SGSM3: variants seen among roughly 807,000 people sequenced by gnomAD.
The protein encoded by SGSM3 is RUN and SH3 containing 3.
In SGSM3, 96 loss-of-function variants were observed where a neutral mutation model predicts 100.5. That is an observed-to-expected ratio of 0.96 (90% confidence interval 0.81 to 1.13). The LOEUF (loss-of-function observed/expected upper bound fraction) is 1.13, where lower values mean the gene tolerates loss of function less well. Among genes scored for constraint, SGSM3 ranks in the 50% most tolerant of loss-of-function variants. The pLI, the probability that SGSM3 is intolerant of heterozygous loss-of-function variation, is 0.00. For missense variants in SGSM3, 1,001 were observed against 1,015.8 expected (o/e 0.99, Z 0.20); for synonymous variants, 483 against 422.8 (o/e 1.14, Z -1.75).
At chr22:40,393,026 A>G (rs930694297) in intron 1 of SGSM3, among the ~76,000 whole-genome samples, 3 of 152,224 alleles carry the variant, frequency 2.0e-5, no homozygotes, top group Admixed American at 2.0e-4. Context: ...CATTCCTTTT[A>G]TGGATGAATA....
At chr22:40,378,451 G>A (rs145558169) in intron 1 of SGSM3, among the ~76,000 whole-genome samples, 6 of 150,850 alleles carry the variant, frequency 4.0e-5, no homozygotes, top group African/African-American at 7.3e-5. Flanking sequence ...TAATATGGCC[G>A]GGCACGGTGG....
chr22:40,405,297 C>T lies in SGSM3; in HGVS notation c.618+13C>T. ...GGGCACCGGCATGGTGAGCACAGCCCCAGAAAGGGCAGTGGCAGCCCCAGG... is the reference window on the plus strand; with the variant it reads ...GGGCACCGGCATGGTGAGCACAGCCTCAGAAAGGGCAGTGGCAGCCCCAGG... On this transcript the variant is annotated intron_variant, in intron 7 of 21. Coordinates refer to ENST00000248929, the MANE Select transcript of SGSM3 (RefSeq NM_015705.6). 1 of 1,479,586 alleles carries T rather than the reference C, an allele frequency of 6.8e-7. No homozygotes were observed. The highest frequency in any genetic ancestry group is 1.4e-5 in the South Asian group (1 of 70,728). The allele number at this position is 1,479,586 out of a possible 1,614,324, so 91.7% of individuals were successfully genotyped here.
Position 40,407,646 on chromosome 22 carries a change from A to AC in SGSM3, c.1524+82dup. 1 of 1,578,756 alleles carries AC rather than the reference A, an allele frequency of 6.3e-7. No individual in the cohort carries two copies. Among genetic ancestry groups the AC allele is most frequent in the Non-Finnish European group, 8.6e-7 (1 of 1,160,948 alleles). ...ACTCCCTCCACCAAGCCCCACCCCA[A>AC]CCCCTTTCCCTGCCAAGAGCTTCTC... On this transcript the variant is annotated intron_variant, in intron 13 of 21. Transcript: ENST00000248929. This position sits in a 1 kb window ranked among gnomAD's most constrained non-coding sequence, Gnocchi z 4.7.
chr22:40,386,686 T>G (rs2048517509), intron 1 of SGSM3, among the ~76,000 whole-genome samples: 1 of 150,042 alleles, frequency 6.7e-6, no homozygotes, highest in African/African-American at 2.4e-5. Flanking sequence ...TCTCCCAAAG[T>G]GTTCGGGTTA....
chr22:40,384,626 A>G (rs1336586170), intron 1 of SGSM3, among the ~76,000 whole-genome samples: 1 of 152,078 alleles, frequency 6.6e-6, no homozygotes, highest in Non-Finnish European at 1.5e-5. Context: ...TAAAAATACA[A>G]AAAATTAGCT....
Position 40,407,306 on chromosome 22 carries a change from C to T in SGSM3, c.1346C>T (p.Thr449Ile). ...ILRVARHFQC[T>I]DPKNCSVELT... ...CGCGTGGCACGCCACTTCCAGTGCA[C>T]AGACCCCAAAAACTGCAGCGTGGTG... Residue 449 changes from threonine (T) to isoleucine (I), a missense_variant, in exon 12 of 22, where the codon ACA becomes ATA. Physicochemically the swap from Thr to Ile is moderately conservative, Grantham distance 89. Transcript: ENST00000248929. This position sits in a 1 kb window ranked among gnomAD's most constrained non-coding sequence, Gnocchi z 4.7. The T allele has an allele frequency of 6.2e-7, 1 of 1,613,582 alleles. No homozygotes were observed.
At chr22:40,372,001 G>A (rs2045601634) in intron 1 of SGSM3, among the ~76,000 whole-genome samples, 1 of 150,418 alleles carries the variant, frequency 6.6e-6, no homozygotes, top group Non-Finnish European at 1.5e-5. Context: ...CGCCAGGCCC[G>A]ATTAATTTGT....
At chr22:40,383,652 A>G (rs1174162082) in intron 1 of SGSM3, among the ~76,000 whole-genome samples, 1 of 152,160 alleles carries the variant, frequency 6.6e-6, no homozygotes, top group African/African-American at 2.4e-5. Flanking sequence ...GCATGTTGAG[A>G]CAGTAGTGAG....
In SGSM3 at chr22:40,404,274, T is replaced by C; in HGVS notation, c.185T>C (p.Leu62Pro). ...EEGDEPGSSL[L>P]ANSPLMEDAP... ...GGTGATGAGCCTGGCTCCAGTCTGC[T>C]GGCGAACTCCCCTCTGATGGAGGAT... is the stretch of plus-strand genomic sequence containing the variant. The change falls in exon 5 of 22, where the codon CTG becomes CCG. Residue 62 changes from leucine to proline, a missense_variant. By Grantham distance (98) the Leu-to-Pro change is moderately conservative. Coordinates refer to ENST00000248929, the MANE Select transcript of SGSM3 (RefSeq NM_015705.6). 6.6e-7 allele frequency: 1 copy of C among 1,520,816 alleles called. No homozygotes were observed. Among genetic ancestry groups the C allele is most frequent in the Non-Finnish European group, 8.8e-7 (1 of 1,133,958 alleles). The allele number at this position is 1,520,816 out of a possible 1,614,324, so 94.2% of individuals were successfully genotyped here.
intron 4 of SGSM3, 140 bp from the exon 5 acceptor site, chr22:40,404,107 G>C: frequency 1.6e-6 from 1 of 629,638 alleles, no homozygotes; most frequent in Non-Finnish European, 2.6e-6. Flanking sequence ...AAAGCCATTA[G>C]CTATGGGAAT....
At chr22:40,376,475 C>T (rs139510481) in intron 1 of SGSM3, 1 of 151,966 alleles carries the variant, frequency 6.6e-6, no homozygotes, top group Non-Finnish European at 1.5e-5. Flanking sequence ...TTGTAAACTT[C>T]GAGAACTTAC....
At chr22:40,372,122 CTTTTTTTTTTTT>C (rs58396730) in intron 1 of SGSM3, among the ~76,000 whole-genome samples, 23 of 65,214 alleles carry the variant, frequency 3.5e-4, no homozygotes, top group African/African-American at 1.5e-3. Context: ...TCCCCCCCCC[CTTTTTTTTTTTT>C]TTTTTTTTTT....
intron 1 of SGSM3, among the ~76,000 whole-genome samples, chr22:40,380,231 G>A (rs940041351): frequency 1.1e-4 from 17 of 152,178 alleles, no homozygotes; most frequent in African/African-American, 4.1e-4. Flanking sequence ...GTGTGTATTT[G>A]TATGTGTGTG....
intron 1 of SGSM3, among the ~76,000 whole-genome samples, chr22:40,380,060 G>C (rs1190809166): frequency 1.3e-5 from 2 of 152,110 alleles, no homozygotes; most frequent in Non-Finnish European, 2.9e-5. Context: ...TTATGTGTCT[G>C]TCTGGTCAAT....
chr22:40,407,919 G>T lies in SGSM3; in HGVS notation c.1579+76G>T. 1 of 1,493,126 alleles carries T rather than the reference G, an allele frequency of 6.7e-7. No homozygotes were observed. The highest frequency in any genetic ancestry group is 9.2e-7 in the Non-Finnish European group (1 of 1,091,236). 92.5% of individuals were successfully genotyped at this position (1,493,126 alleles called of 1,614,324 possible). A position where few individuals can be genotyped will look rare whatever the true frequency, so the allele number is the denominator to read the frequency against. ...ACAGAAGACTTGGGTGACCCTGGCCGCCACCAAGCTGTTCTCCTCTATACA... is the reference window on the plus strand; with the variant it reads ...ACAGAAGACTTGGGTGACCCTGGCCTCCACCAAGCTGTTCTCCTCTATACA... On this transcript the variant is annotated intron_variant, in intron 14 of 21. Transcript: ENST00000248929. This position sits in a 1 kb window ranked among gnomAD's most constrained non-coding sequence, Gnocchi z 4.7.
chr22:40,409,567 G>T, intron 21 of SGSM3, 42 bp downstream of exon 21: 1 of 1,613,054 alleles, frequency 6.2e-7, no homozygotes, highest in African/African-American at 1.3e-5. Context: ...TGATGGAGCT[G>T]CCCAAACCGT....
At chr22:40,375,509 G>A (rs945584599) in intron 1 of SGSM3, among the ~76,000 whole-genome samples, 4 of 151,934 alleles carry the variant, frequency 2.6e-5, no homozygotes, top group African/African-American at 9.7e-5. Flanking sequence ...GAACCTGGGA[G>A]GCATAGGTTG....
At position 40,410,276 on chromosome 22, in the gene SGSM3, T is replaced by C. The variant is rs1470810722; in HGVS notation, c.*517T>C. On this transcript the variant is annotated 3_prime_UTR_variant, in exon 22 of 22. Transcript: ENST00000248929. ...CACCCCTTCCATGGACTGAATAAGA[T>C]GGACTAACAGGCCTGTGTTTTTGTG... 1.6e-6 allele frequency: 1 copy of C among 641,972 alleles called. No individual in the cohort carries two copies. The highest frequency in any genetic ancestry group is 5.9e-5 in the East Asian group (1 of 16,908). 39.8% of individuals were successfully genotyped at this position (641,972 alleles called of 1,614,324 possible).
chr22:40,402,798 AG>A, intron 4 of SGSM3, among the ~76,000 whole-genome samples: 1 of 152,216 alleles, frequency 6.6e-6, no homozygotes. Context: ...GTGAATATAC[AG>A]TATTTGGATA....
Sources: allele counts gnomAD v4.1 joint callset (sites outside exome capture counted in the v4.1 genomes callset), GRCh38; gene constraint gnomAD v4.1.1; non-coding constraint Gnocchi (gnomAD v3.1); transcripts MANE v1.5; gene names NCBI Gene and HGNC (gene_info 2026-07-23, HGNC 2026-07-21).